RBM24: variants seen among roughly 807,000 people sequenced by gnomAD.
The protein encoded by RBM24 is RNA-binding protein 24.
A neutral mutation model predicts 23.6 loss-of-function variants in RBM24; 5 were observed. The ratio of observed to expected loss-of-function variants is 0.21; its 90% CI spans 0.11 to 0.45. The LOEUF (loss-of-function observed/expected upper bound fraction) is 0.45. Ranked by LOEUF, RBM24 falls within the 20% of genes least tolerant of loss-of-function variation. The pLI, the probability that RBM24 is intolerant of heterozygous loss-of-function variation, is 0.99. For missense variants in RBM24, 252 were observed against 314.6 expected, an observed-to-expected ratio of 0.80 and a Z score of 1.51; for synonymous variants, 151 against 129.5, an observed-to-expected ratio of 1.17 and a Z score of -1.13.
intron 3 of RBM24, chr6:17,289,991 T>C: frequency 7.8e-7 from 1 of 1,289,330 alleles, no homozygotes; most frequent in Non-Finnish European, 1.0e-6. Flanking sequence ...TGACAAGCAG[T>C]TAAGAACATC....
intron 1 of RBM24, chr6:17,282,306 C>A: frequency 8.2e-7 from 1 of 1,222,014 alleles, no homozygotes; most frequent in Non-Finnish European, 1.1e-6. Context: ...TTTAAGCGTG[C>A]AAATTCAGCT....
Position 17,292,014 on chromosome 6 carries a change from C to A in RBM24, c.606C>A (p.Thr202=). The A allele has an allele frequency of 6.2e-7, 1 of 1,603,814 alleles. No individual in the cohort carries two copies. The highest frequency in any genetic ancestry group is 1.1e-5 in the South Asian group (1 of 90,934). The change falls in exon 4 of 4, where the codon ACC becomes ACA. Residue 202 remains threonine (T), a synonymous_variant. Transcript: ENST00000379052. ...GYGYAVQQPI[T]AAAPGTAAAA... ...GCTACGCAGTCCAGCAGCCAATCACCGCAGCGGCACCTGGGACAGCTGCCG... is the reference window on the plus strand; with the variant it reads ...GCTACGCAGTCCAGCAGCCAATCACAGCAGCGGCACCTGGGACAGCTGCCG...
chr6:17,285,888 G>A (rs1235981720), intron 3 of RBM24, among the ~76,000 whole-genome samples: 1 of 152,100 alleles, frequency 6.6e-6, no homozygotes, highest in African/African-American at 2.4e-5. Context: ...TGATCAACAT[G>A]CCTGTAACTC....
chr6:17,292,201 ATTGAC>A lies in RBM24; in HGVS notation c.*85_*89del. 1 of 1,316,698 alleles carries A rather than the reference ATTGAC, an allele frequency of 7.6e-7. No homozygotes were observed. The highest frequency in any genetic ancestry group is 1.0e-6 in the Non-Finnish European group (1 of 987,082). 81.6% of individuals were successfully genotyped at this position (1,316,698 alleles called of 1,614,324 possible). ...TTTAGTAGCTAATAAGAGAGTTAAC[ATTGAC>A]TTAACAGCTTTAAAAAAAAAAACAG... On this transcript the variant is annotated 3_prime_UTR_variant, in exon 4 of 4. Coordinates refer to ENST00000379052, the MANE Select transcript of RBM24 (RefSeq NM_001143942.2).
At chr6:17,291,508 G>C (rs1480034644) in intron 3 of RBM24, among the ~76,000 whole-genome samples, 1 of 152,112 alleles carries the variant, frequency 6.6e-6, no homozygotes, top group Non-Finnish European at 1.5e-5. Flanking sequence ...GTACTTAGCA[G>C]CTCCAAATAA....
rs770719808 is a variant in RBM24, at chr6:17,289,998, C to T, written c.348-1758C>T. 8 of 1,289,376 alleles carry T rather than the reference C, an allele frequency of 6.2e-6. 1 individual carries two copies. The South Asian group carries it at 8.6e-5, about 14-fold the overall frequency. The allele number at this position is 1,289,376 out of a possible 1,614,324, so 79.9% of individuals were successfully genotyped here. On this transcript the variant is annotated intron_variant, in intron 3 of 3. Transcript: ENST00000379052. Reference sequence around the variant, plus strand: ...CTGGTTTCTGACAAGCAGTTAAGAACATCTCTGAGTGTCCTCAGAAACACT... The same window carrying T: ...CTGGTTTCTGACAAGCAGTTAAGAATATCTCTGAGTGTCCTCAGAAACACT...
rs998806075 is a variant in RBM24, at chr6:17,288,818, C to A, written c.348-2938C>A. 1.3e-5 allele frequency: 13 copies of A among 985,280 alleles called. No individual in the cohort carries two copies. The East Asian group carries it at 6.8e-4, about 52-fold the overall frequency. 61.0% of individuals were successfully genotyped at this position (985,280 alleles called of 1,614,324 possible). The stretch of plus-strand genomic sequence containing the variant: ...TAGAAAGGTGTTTTGGAGCCAGGGG[C>A]AGTCTGGATGTTTTGGCCTAGAATG... On this transcript the variant is annotated intron_variant, in intron 3 of 3. Transcript: ENST00000379052.
Position 17,281,939 on chromosome 6 carries a change from G to A in RBM24, c.168+190G>A. The A allele has an allele frequency of 4.4e-6, 6 of 1,352,304 alleles. No individual in the cohort carries two copies. The highest frequency in any genetic ancestry group is 2.6e-4 in the Middle Eastern group (1 of 3,774). 83.8% of individuals were successfully genotyped at this position (1,352,304 alleles called of 1,614,324 possible). A position where few individuals can be genotyped will look rare whatever the true frequency, so the allele number is the denominator to read the frequency against. Reference sequence around the variant, plus strand: ...GGTCGGCGCCAGCCTCGCGGGGTTCGGAGAAGACCCAGCGCTGTGCGAGGT... The same window carrying A: ...GGTCGGCGCCAGCCTCGCGGGGTTCAGAGAAGACCCAGCGCTGTGCGAGGT... On this transcript the variant is annotated intron_variant, in intron 1 of 3. Transcript: ENST00000379052. The surrounding 1 kb of genome is among the most constrained non-coding windows in gnomAD (Gnocchi z 7.1).
At chr6:17,284,162 T>C (rs1462777234) in intron 2 of RBM24, among the ~76,000 whole-genome samples, 3 of 152,182 alleles carry the variant, frequency 2.0e-5, no homozygotes, top group Non-Finnish European at 4.4e-5. Flanking sequence ...TTAAAAAAAT[T>C]TGTCTAATAC....
At chr6:17,290,460 A>C (rs374318721) in intron 3 of RBM24, among the ~76,000 whole-genome samples, 118 of 152,324 alleles carry the variant, frequency 7.7e-4, no homozygotes, top group African/African-American at 2.6e-3. Flanking sequence ...TTTTGTTTAA[A>C]TACCTCTTGT....
At chr6:17,284,895 CA>C (rs1345146012) in intron 3 of RBM24, among the ~76,000 whole-genome samples, 184 bp downstream of exon 3, 1 of 152,050 alleles carries the variant, frequency 6.6e-6, no homozygotes, top group East Asian at 1.9e-4. Context: ...GTTATCTGAC[CA>C]AGTATGCAGC....
intron 1 of RBM24, 123 bp from the exon 2 acceptor site, chr6:17,282,682 A>G: frequency 7.4e-7 from 1 of 1,355,046 alleles, no homozygotes. Flanking sequence ...AAAAGAAGCA[A>G]AGAATAGAAA....
At chr6:17,287,877 A>T (rs1760243256) in intron 3 of RBM24, among the ~76,000 whole-genome samples, 1 of 151,806 alleles carries the variant, frequency 6.6e-6, no homozygotes, top group African/African-American at 2.4e-5. Context: ...TTAAACATTG[A>T]CTCAGTACCC....
chr6:17,291,347 A>G (rs543524875), intron 3 of RBM24, among the ~76,000 whole-genome samples: 19 of 152,338 alleles, frequency 1.2e-4, no homozygotes, highest in South Asian at 1.2e-3. Context: ...TTCTTGGCTA[A>G]GAATTTTTCT....
chr6:17,292,218 A>T lies in RBM24; in HGVS notation c.*99A>T, dbSNP rs1760391305. On this transcript the variant is annotated 3_prime_UTR_variant, in exon 4 of 4. Coordinates refer to ENST00000379052, the MANE Select transcript of RBM24 (RefSeq NM_001143942.2). ...GAGTTAACATTGACTTAACAGCTTT[A>T]AAAAAAAAAACAGCCATGCTATTGT... 16 of 797,428 alleles carry T rather than the reference A, an allele frequency of 2.0e-5. No individual in the cohort carries two copies. Among genetic ancestry groups the T allele is most frequent in the East Asian group, 3.6e-5 (1 of 28,082 alleles). 49.4% of individuals were successfully genotyped at this position (797,428 alleles called of 1,614,324 possible). A position where few individuals can be genotyped will look rare whatever the true frequency, so the allele number is the denominator to read the frequency against.
intron 3 of RBM24, among the ~76,000 whole-genome samples, 158 bp from the exon 4 acceptor site, chr6:17,291,598 G>T (rs1760359374): frequency 6.6e-6 from 1 of 152,116 alleles, no homozygotes; most frequent in Non-Finnish European, 1.5e-5. Flanking sequence ...TATGACTTTG[G>T]CTACTGCCTG....
intron 2 of RBM24, among the ~76,000 whole-genome samples, chr6:17,283,285 C>A (rs1351093548): frequency 6.6e-6 from 1 of 152,182 alleles, no homozygotes; most frequent in Non-Finnish European, 1.5e-5. Context: ...TTGTCGACTT[C>A]AGCTAATATA....
intron 3 of RBM24, chr6:17,288,047 C>T (rs1760248931): frequency 6.5e-6 from 1 of 153,996 alleles, no homozygotes; most frequent in Non-Finnish European, 1.4e-5. Context: ...ATTTAATTCT[C>T]ACAGTAAGTG....
intron 2 of RBM24, chr6:17,283,144 G>A (rs1760081829): frequency 3.9e-6 from 2 of 514,622 alleles, no homozygotes; most frequent in Admixed American, 3.2e-5. Context: ...ATGGATCTTG[G>A]GGGTCGTGCA....
Sources: allele counts gnomAD v4.1 joint callset (sites outside exome capture counted in the v4.1 genomes callset), GRCh38; gene constraint gnomAD v4.1.1; non-coding constraint Gnocchi (gnomAD v3.1); transcripts MANE v1.5; gene names NCBI Gene and HGNC (gene_info 2026-07-23, HGNC 2026-07-21).